SPATC1: variants seen among roughly 807,000 people sequenced by gnomAD.
SPATC1 encodes the protein spermatogenesis and centriole associated 1.
SPATC1 carries 35 observed loss-of-function variants against 36.5 expected under a neutral mutation model. That is an observed-to-expected ratio of 0.96 (90% CI 0.73 to 1.27). SPATC1 has a LOEUF of 1.27. Among genes scored for constraint, SPATC1 ranks in the 50% most tolerant of loss-of-function variants. The probability of loss-of-function intolerance (pLI) is 0.00; values close to 1 mark genes in which losing one functional copy is unlikely to be tolerated. For missense variants in SPATC1, 779 were observed against 796.0 expected, an observed-to-expected ratio of 0.98 and a Z score of 0.26; for synonymous variants, 361 against 353.6, an observed-to-expected ratio of 1.02 and a Z score of -0.24.
At chr8:144,036,517 T>C (rs1156425651) in intron 1 of SPATC1, among the ~76,000 whole-genome samples, 1 of 151,692 alleles carries the variant, frequency 6.6e-6, no homozygotes, top group African/African-American at 2.4e-5. Context: ...AGAGACGGAG[T>C]TTCACCATGT....
At chr8:144,035,161 CT>C (rs1365202846) in intron 1 of SPATC1, among the ~76,000 whole-genome samples, 2 of 152,226 alleles carry the variant, frequency 1.3e-5, no homozygotes, top group Non-Finnish European at 2.9e-5. Context: ...CATCTGCCCC[CT>C]GCTCTCACAG....
Position 144,040,738 on chromosome 8 carries a change from G to T in SPATC1, c.937G>T (p.Ala313Ser), listed in dbSNP as rs140635744. 1.4e-5 allele frequency: 23 copies of T among 1,612,440 alleles called. No homozygotes were observed. The highest frequency in any genetic ancestry group is 1.9e-5 in the Non-Finnish European group (23 of 1,179,498). The change falls in exon 3 of 5, where the codon GCC (alanine) becomes TCC (serine). Residue 313 changes from alanine to serine, a missense_variant. Ala to Ser is a moderately conservative substitution (Grantham distance 99). Transcript: ENST00000377470. ...GGACACACAGGCCCAGCCCAGTGCC[G>T]CCCAGGAACAAGTGGTCCCTGCATC... ...TSDTQAQPSAAQEQVVPASVP... is the reference protein window; with the variant it reads ...TSDTQAQPSASQEQVVPASVP...
chr8:144,034,857 G>A (rs1208056132), intron 1 of SPATC1, among the ~76,000 whole-genome samples: 11 of 152,156 alleles, frequency 7.2e-5, no homozygotes, highest in Non-Finnish European at 8.8e-5. Flanking sequence ...TCCTGACCTC[G>A]TGATCCACCT....
chr8:144,046,734 G>A lies in SPATC1; in HGVS notation c.1554G>A (p.Gly518=). Residue 518 remains glycine, a synonymous_variant, in exon 5 of 5, where the codon GGG becomes GGA. Coordinates refer to ENST00000377470, the MANE Select transcript of SPATC1 (RefSeq NM_198572.3). This position sits in a 1 kb window ranked among gnomAD's most constrained non-coding sequence, Gnocchi z 6.6. The part of the protein sequence containing the change: ...MNRLQSLGYN[G]RVHPALTEQL... ...GGCTGCAGAGTCTGGGCTACAACGGGCGGGTGCACCCTGCGCTGACCGAGC... is the reference window on the plus strand; with the variant it reads ...GGCTGCAGAGTCTGGGCTACAACGGACGGGTGCACCCTGCGCTGACCGAGC... 3.7e-6 allele frequency: 6 copies of A among 1,612,430 alleles called. No homozygotes were observed. The highest frequency in any genetic ancestry group is 4.5e-5 in the East Asian group (2 of 44,884).
Position 144,040,002 on chromosome 8 carries a change from C to G in SPATC1, c.305C>G (p.Thr102Ser). ...TTGGCACCCCTGGCCGAGATGCTAACCAGCTTGCAGCCCAGCGCCACACCG... is the reference window on the plus strand; with the variant it reads ...TTGGCACCCCTGGCCGAGATGCTAAGCAGCTTGCAGCCCAGCGCCACACCG... ...MALAPLAEML[T>S]SLQPSATPGS... The change falls in exon 2 of 5, where the codon ACC becomes AGC. Residue 102 changes from threonine to serine, a missense_variant. Coordinates refer to ENST00000377470, the MANE Select transcript of SPATC1 (RefSeq NM_198572.3). 8.7e-6 allele frequency: 14 copies of G among 1,613,944 alleles called. No homozygotes were observed. Among genetic ancestry groups the G allele is most frequent in the Non-Finnish European group, 1.1e-5 (13 of 1,179,994 alleles).
chr8:144,018,314 A>G (rs1010565943), intron 1 of SPATC1, among the ~76,000 whole-genome samples: 18 of 152,320 alleles, frequency 1.2e-4, no homozygotes, highest in African/African-American at 4.3e-4. Flanking sequence ...ATGGCCGACC[A>G]GGGTGAGGTG....
chr8:144,030,369 G>T lies in SPATC1; in HGVS notation c.212-9540G>T, dbSNP rs1052518024. Among the ~76,000 whole-genome samples, 64 of 152,210 alleles carry T rather than the reference G, an allele frequency of 4.2e-4. 1 individual carries two copies. The highest frequency in any genetic ancestry group is 1.5e-3 in the African/African-American group (62 of 41,520). ...GCTGTGTATGTATGTATGTATGTAT[G>T]TATGTATTGAGACAGGGTCTCACTC... On this transcript the variant is annotated intron_variant, in intron 1 of 4. Coordinates refer to ENST00000377470, the MANE Select transcript of SPATC1 (RefSeq NM_198572.3).
intron 1 of SPATC1, among the ~76,000 whole-genome samples, chr8:144,028,326 C>T (rs1031658587): frequency 0.047 from 7,203 of 151,826 alleles, 574 homozygotes; most frequent in African/African-American, 0.16. Context: ...GGTCTAATAT[C>T]CAGAGTCTAC....
rs1332161600 is a variant in SPATC1, at chr8:144,034,811, C to T, written c.212-5098C>T. 2.6e-5 allele frequency among the ~76,000 whole-genome samples: 4 copies of T among 152,064 alleles called. No homozygotes were observed. In the East Asian group the frequency reaches 5.8e-4, roughly 22 times the overall value. On this transcript the variant is annotated intron_variant, in intron 1 of 4. Coordinates refer to ENST00000377470, the MANE Select transcript of SPATC1 (RefSeq NM_198572.3). ...TAATTTTGTGTATTTTTAGTAGAGA[C>T]GGGGTTTCACCATGTTGGCCAAGCT...
intron 1 of SPATC1, among the ~76,000 whole-genome samples, chr8:144,033,068 C>G (rs1251756630): frequency 8.7e-6 from 1 of 115,400 alleles, no homozygotes; most frequent in African/African-American, 4.0e-5. Context: ...TTTCAACAAA[C>G]AGCAAAAAAA....
chr8:144,031,454 T>TC (rs1360960361), intron 1 of SPATC1, among the ~76,000 whole-genome samples: 32,258 of 142,830 alleles, frequency 0.23, 3,740 homozygotes, highest in South Asian at 0.35. Context: ...TTTTTTCTTT[T>TC]TTTTTTTTTT....
intron 1 of SPATC1, among the ~76,000 whole-genome samples, chr8:144,028,885 G>T (rs1834737348): frequency 6.6e-6 from 1 of 152,128 alleles, no homozygotes; most frequent in Non-Finnish European, 1.5e-5. Context: ...AAAGGGATAA[G>T]ATCATGTCCT....
intron 1 of SPATC1, among the ~76,000 whole-genome samples, chr8:144,027,779 G>A (rs910688233): frequency 4.6e-5 from 7 of 152,160 alleles, no homozygotes; most frequent in Non-Finnish European, 1.0e-4. Flanking sequence ...GATCACTTGA[G>A]GTCAGGAGTT....
At chr8:144,032,341 G>A (rs923225275) in intron 1 of SPATC1, among the ~76,000 whole-genome samples, 1 of 152,064 alleles carries the variant, frequency 6.6e-6, no homozygotes, top group African/African-American at 2.4e-5. Flanking sequence ...GCAGTGGCAC[G>A]ATCTTGGCTC....
chr8:144,042,837 C>T (rs1468204520), intron 4 of SPATC1, among the ~76,000 whole-genome samples: 1 of 151,898 alleles, frequency 6.6e-6, no homozygotes, highest in Non-Finnish European at 1.5e-5. Flanking sequence ...GACTTCTTCA[C>T]GGCCTTTCCC....
chr8:144,043,522 C>T (rs531430011), intron 4 of SPATC1, among the ~76,000 whole-genome samples: 23 of 151,960 alleles, frequency 1.5e-4, no homozygotes, highest in African/African-American at 2.9e-4. Flanking sequence ...CCTTGTGATC[C>T]GCCTGCCTTG....
At chr8:144,036,347 C>T (rs1480499475) in intron 1 of SPATC1, among the ~76,000 whole-genome samples, 1 of 152,178 alleles carries the variant, frequency 6.6e-6, no homozygotes, top group Non-Finnish European at 1.5e-5. Context: ...TTTTATGAGA[C>T]AGGATCTCAT....
intron 1 of SPATC1, among the ~76,000 whole-genome samples, chr8:144,038,163 A>G (rs74795902): frequency 0.17 from 24,623 of 148,628 alleles, 5,864 homozygotes; most frequent in African/African-American, 0.53. Flanking sequence ...AGCCAGGTGC[A>G]GTGGCTCATG....
chr8:144,012,325 G>A lies in SPATC1; in HGVS notation c.-191G>A, dbSNP rs1470859430. ...GCCTGTGTACAGGCCTGGTGGCATG[G>A]AGAGCTGAGGGTGTTAGAGCAGAGA... On this transcript the variant is annotated 5_prime_UTR_variant, in exon 1 of 5. Coordinates refer to ENST00000377470, the MANE Select transcript of SPATC1 (RefSeq NM_198572.3). 8.3e-6 allele frequency: 5 copies of A among 602,004 alleles called. No homozygotes were observed. Among genetic ancestry groups the A allele is most frequent in the South Asian group, 6.0e-5 (3 of 50,346 alleles). The allele number at this position is 602,004 out of a possible 1,614,324, so 37.3% of individuals were successfully genotyped here.
Sources: allele counts gnomAD v4.1 joint callset (sites outside exome capture counted in the v4.1 genomes callset), GRCh38; gene constraint gnomAD v4.1.1; non-coding constraint Gnocchi (gnomAD v3.1); transcripts MANE v1.5; gene names NCBI Gene and HGNC (gene_info 2026-07-23, HGNC 2026-07-21).